MSL2: variants seen among roughly 807,000 people sequenced by gnomAD.
The protein encoded by MSL2 is MSL complex subunit 2.
A neutral mutation model predicts 35.8 loss-of-function variants in MSL2; 2 were observed. That is an observed-to-expected ratio of 0.06 (90% CI 0.02 to 0.18). The LOEUF (loss-of-function observed/expected upper bound fraction) is 0.18. Ranked by LOEUF, MSL2 falls within the 10% of genes least tolerant of loss-of-function variation. MSL2 has a pLI of 1.00. For missense variants in MSL2, 523 were observed against 706.7 expected (o/e 0.74, Z 2.95); for synonymous variants, 296 against 255.7 (o/e 1.16, Z -1.50).
chr3:136,195,679 A>C lies in MSL2; in HGVS notation c.-566T>G. On this transcript the variant is annotated 5_prime_UTR_variant, in exon 1 of 2. Coordinates refer to ENST00000309993, the MANE Select transcript of MSL2 (RefSeq NM_018133.4). ...AGTGCAAGACGCCGCGGCGGCGACGAAGGTTGATGTTGCGGCTGGCGGACG... is the reference window on the plus strand; with the variant it reads ...AGTGCAAGACGCCGCGGCGGCGACGCAGGTTGATGTTGCGGCTGGCGGACG... 1.0e-6 allele frequency: 1 copy of C among 985,248 alleles called. No homozygotes were observed. Among genetic ancestry groups the C allele is most frequent in the Non-Finnish European group, 1.2e-6 (1 of 829,938 alleles). The allele number at this position is 985,248 out of a possible 1,614,324, so 61.0% of individuals were successfully genotyped here. A position where few individuals can be genotyped will look rare whatever the true frequency, so the allele number is the denominator to read the frequency against.
intron 1 of MSL2, among the ~76,000 whole-genome samples, chr3:136,175,889 A>G (rs1169860802): frequency 1.0e-5 from 1 of 98,990 alleles, no homozygotes; most frequent in Non-Finnish European, 2.7e-5. Flanking sequence ...CACTGTGCTA[A>G]GCCTGCCACT....
chr3:136,186,770 A>G (rs565430220), intron 1 of MSL2, among the ~76,000 whole-genome samples: 1 of 152,232 alleles, frequency 6.6e-6, no homozygotes, highest in South Asian at 2.1e-4. Context: ...TTACAATGTA[A>G]TAATAATAGA....
At chr3:136,163,980 C>T (rs1419464053) in intron 1 of MSL2, among the ~76,000 whole-genome samples, 1 of 152,182 alleles carries the variant, frequency 6.6e-6, no homozygotes, top group Non-Finnish European at 1.5e-5. Context: ...ATTACCCAGT[C>T]TCAGGCAGTT....
At chr3:136,191,193 G>GCA (rs907713697) in intron 1 of MSL2, among the ~76,000 whole-genome samples, 1 of 152,146 alleles carries the variant, frequency 6.6e-6, no homozygotes, top group African/African-American at 2.4e-5. Context: ...TTCAGGCTGA[G>GCA]CACGGTGGCT....
chr3:136,161,024 T>C (rs1576359321), intron 1 of MSL2, among the ~76,000 whole-genome samples: 1 of 151,338 alleles, frequency 6.6e-6, no homozygotes, highest in South Asian at 2.1e-4. Flanking sequence ...GAGGCGGAGG[T>C]TGCAGTGAGC....
intron 1 of MSL2, among the ~76,000 whole-genome samples, chr3:136,184,255 C>T (rs1348471814): frequency 6.6e-6 from 1 of 151,834 alleles, no homozygotes; most frequent in Non-Finnish European, 1.5e-5. Flanking sequence ...CAGATGGTGC[C>T]ACTGCACTTT....
chr3:136,192,404 C>T (rs1272110113), intron 1 of MSL2, among the ~76,000 whole-genome samples: 2 of 152,126 alleles, frequency 1.3e-5, no homozygotes, highest in African/African-American at 4.8e-5. Context: ...GTCTCCAACT[C>T]CTGACCTCAA....
chr3:136,177,775 T>C (rs1940224577), intron 1 of MSL2, among the ~76,000 whole-genome samples: 1 of 150,876 alleles, frequency 6.6e-6, no homozygotes, highest in South Asian at 2.1e-4. Flanking sequence ...GCACTTTAAA[T>C]AACTAAATAC....
At chr3:136,157,809 A>T (rs1299882807) in intron 1 of MSL2, among the ~76,000 whole-genome samples, 1 of 152,252 alleles carries the variant, frequency 6.6e-6, no homozygotes, top group Non-Finnish European at 1.5e-5. Context: ...AAAAAGTTTT[A>T]AAACTGAATA....
chr3:136,175,124 T>A (rs570964254), intron 1 of MSL2, among the ~76,000 whole-genome samples: 7 of 152,110 alleles, frequency 4.6e-5, no homozygotes, highest in Admixed American at 3.9e-4. Flanking sequence ...GGCAGGTGGA[T>A]CACGAGGTCA....
At chr3:136,185,032 T>G (rs957514715) in intron 1 of MSL2, among the ~76,000 whole-genome samples, 1 of 152,170 alleles carries the variant, frequency 6.6e-6, no homozygotes, top group Admixed American at 6.5e-5. Flanking sequence ...TGGAGTACAG[T>G]GGCAGGATCT....
At chr3:136,166,062 TAAAAAAA>T (rs34420183) in intron 1 of MSL2, among the ~76,000 whole-genome samples, 21 of 80,080 alleles carry the variant, frequency 2.6e-4, no homozygotes, top group African/African-American at 6.4e-4. Context: ...TACGTACCAG[TAAAAAAA>T]AAAAAAAAAA....
At chr3:136,166,534 T>C (rs990036435) in intron 1 of MSL2, among the ~76,000 whole-genome samples, 12 of 152,182 alleles carry the variant, frequency 7.9e-5, no homozygotes. Flanking sequence ...AAATTTAACA[T>C]AGATCATTCA....
chr3:136,167,054 A>AG (rs563346220), intron 1 of MSL2, among the ~76,000 whole-genome samples: 2 of 152,190 alleles, frequency 1.3e-5, no homozygotes. Context: ...AATGAGGAGA[A>AG]GGGGCACAAG....
chr3:136,151,395 G>A lies in MSL2; in HGVS notation c.1486C>T (p.Arg496Cys), dbSNP rs1357437363. The A allele has an allele frequency of 1.2e-6, 2 of 1,614,162 alleles. No homozygotes were observed. The highest frequency in any genetic ancestry group is 1.7e-6 in the Non-Finnish European group (2 of 1,180,018). Residue 496 changes from arginine to cysteine, a missense_variant, in exon 2 of 2, where the codon CGT (arginine) becomes TGT (cysteine). Physicochemically the swap from Arg to Cys is radical, Grantham distance 180. This residue lies in a region of MSL2 where 16 missense variants were observed against 86.1 expected (regional missense o/e 0.19). Transcript: ENST00000309993. This position sits in a 1 kb window ranked among gnomAD's most constrained non-coding sequence, Gnocchi z 5.2. ...NRKACLDCIC[R>C]GCQNSYMANG... ...GCCATATAGGAGTTTTGGCAGCCAC[G>A]ACATATACAATCTAAGCAGGCTTTG... is the stretch of plus-strand genomic sequence containing the variant.
intron 1 of MSL2, among the ~76,000 whole-genome samples, chr3:136,159,419 A>T (rs1260491429): frequency 8.2e-6 from 1 of 122,214 alleles, no homozygotes; most frequent in Non-Finnish European, 1.6e-5. Context: ...GCTGGAGTGC[A>T]GTGGTGCCAT....
chr3:136,173,671 T>C (rs1940091759), intron 1 of MSL2, among the ~76,000 whole-genome samples: 1 of 152,210 alleles, frequency 6.6e-6, no homozygotes, highest in Non-Finnish European at 1.5e-5. Flanking sequence ...CTCCGTGCCT[T>C]ACCTAATCAA....
In MSL2 at chr3:136,194,964, C is replaced by T. The variant is rs770550343; in HGVS notation, c.142+8G>A. 21 of 1,613,362 alleles carry T rather than the reference C, an allele frequency of 1.3e-5. No homozygotes were observed. In the South Asian group the frequency reaches 1.4e-4, roughly 11 times the overall value. On this transcript the variant is annotated splice_region_variant and intron_variant, in intron 1 of 1. Transcript: ENST00000309993. Reference sequence around the variant, plus strand: ...GCATTGAAAAGGGAACAATAAAAAGCGTCTCACCGCAAACACAGCACGAAA... The same window carrying T: ...GCATTGAAAAGGGAACAATAAAAAGTGTCTCACCGCAAACACAGCACGAAA...
Position 136,152,009 on chromosome 3 carries a change from T to G in MSL2, c.872A>C (p.Gln291Pro). Residue 291 changes from glutamine to proline, a missense_variant, in exon 2 of 2, where the codon CAG becomes CCG. By Grantham distance (76) the Gln-to-Pro change is moderately conservative. This residue lies in a region of MSL2 where 361 missense variants were observed against 414.6 expected (regional missense o/e 0.87). Transcript: ENST00000309993. ...SNTEVCCPNL[Q>P]PNLEATVSNG... ...GGATACAGTGGCTTCCAAGTTCGGCTGCAAATTAGGGCAACAGACCTCTGT... is the reference window on the plus strand; with the variant it reads ...GGATACAGTGGCTTCCAAGTTCGGCGGCAAATTAGGGCAACAGACCTCTGT... 3 of 1,614,222 alleles carry G rather than the reference T, an allele frequency of 1.9e-6. No individual in the cohort carries two copies. Among genetic ancestry groups the G allele is most frequent in the Non-Finnish European group, 2.5e-6 (3 of 1,180,036 alleles).
Sources: gnomAD v4.1 joint callset for allele counts (sites outside exome capture counted in the v4.1 genomes callset) on GRCh38, gnomAD v4.1.1 for gene constraint, gnomAD v4.1.1 regional missense constraint, Gnocchi (gnomAD v3.1) non-coding constraint, MANE v1.5 for transcripts, NCBI Gene and HGNC (gene_info 2026-07-23, HGNC 2026-07-21) for gene names.